Variants in PTGES3 observed in about 807,000 individuals in gnomAD.
PTGES3 encodes the protein Hsp90 co-chaperone.
In PTGES3, 5 loss-of-function variants were observed where a neutral mutation model predicts 29.9. That is an observed-to-expected ratio of 0.17 (90% CI 0.09 to 0.35). The LOEUF (loss-of-function observed/expected upper bound fraction) is 0.35, where lower values mean the gene tolerates loss of function less well. Among genes scored for constraint, PTGES3 ranks in the 10% least tolerant of loss-of-function variants. PTGES3 has a pLI of 1.00. For synonymous variants in PTGES3, 49 were observed against 57.8 expected (o/e 0.85, Z 0.69); for missense variants, 128 against 190.0 (o/e 0.67, Z 1.92).
chr12:56,685,649 C>A (rs1023913899), intron 1 of PTGES3, among the ~76,000 whole-genome samples: 2 of 152,004 alleles, frequency 1.3e-5, no homozygotes, highest in East Asian at 1.9e-4. Flanking sequence ...ATCCACCCGC[C>A]TCGGCCTCCC....
At chr12:56,670,146 C>T (rs1951947876) in intron 5 of PTGES3, 129 bp downstream of exon 5, 1 of 622,916 alleles carries the variant, frequency 1.6e-6, no homozygotes, top group Non-Finnish European at 2.9e-6. Context: ...ACTATGACTG[C>T]AAAATGGTCT....
intron 1 of PTGES3, among the ~76,000 whole-genome samples, chr12:56,680,076 T>G (rs1230733387): frequency 1.4e-5 from 2 of 145,200 alleles, no homozygotes; most frequent in Non-Finnish European, 3.0e-5. Context: ...TTATTGGTTT[T>G]GGTTTTTTTT....
intron 1 of PTGES3, among the ~76,000 whole-genome samples, chr12:56,683,198 A>T (rs1952634643): frequency 6.6e-6 from 1 of 151,158 alleles, no homozygotes; most frequent in South Asian, 2.1e-4. Context: ...AAATATATAA[A>T]ATTAGGCCAG....
At chr12:56,679,183 G>T (rs527593617) in intron 1 of PTGES3, among the ~76,000 whole-genome samples, 1 of 152,230 alleles carries the variant, frequency 6.6e-6, no homozygotes, top group Admixed American at 6.5e-5. Context: ...CCCAAGGCTG[G>T]CAGATTACTG....
intron 1 of PTGES3, among the ~76,000 whole-genome samples, chr12:56,683,108 A>G (rs1952630146): frequency 6.6e-6 from 1 of 151,650 alleles, no homozygotes; most frequent in African/African-American, 2.4e-5. Context: ...CCAGCACTCT[A>G]GGAGTCTGAG....
intron 1 of PTGES3, among the ~76,000 whole-genome samples, chr12:56,676,615 T>C (rs1245648726): frequency 6.6e-6 from 1 of 152,030 alleles, no homozygotes; most frequent in Non-Finnish European, 1.5e-5. Context: ...AGACGGAATG[T>C]GGAAAGCCAC....
chr12:56,687,789 G>C, intron 1 of PTGES3: 8 of 1,386,090 alleles, frequency 5.8e-6, no homozygotes, highest in Non-Finnish European at 6.5e-6. Flanking sequence ...GCCAAGGAAC[G>C]GTTCAGGGGT....
intron 1 of PTGES3, among the ~76,000 whole-genome samples, chr12:56,678,218 C>T (rs1227504470): frequency 6.6e-6 from 1 of 152,114 alleles, no homozygotes; most frequent in East Asian, 1.9e-4. Context: ...GGCTCTGTCG[C>T]CCAGGTTGGA....
chr12:56,677,759 T>C (rs946842361), intron 1 of PTGES3, among the ~76,000 whole-genome samples: 1 of 152,128 alleles, frequency 6.6e-6, no homozygotes, highest in African/African-American at 2.4e-5. Context: ...ATGGAGGGGT[T>C]TGCAGTACAA....
chr12:56,673,069 C>T lies in PTGES3; in HGVS notation c.3-4G>A. The T allele has an allele frequency of 1.3e-6, 2 of 1,587,094 alleles. No individual in the cohort carries two copies. The highest frequency in any genetic ancestry group is 1.2e-5 in the South Asian group (1 of 85,834). ...CCACTTTGCAGAAGCAGGCTGCCTA[C>T]AAAAGGATAAAGTAGGGAAAGTCAA... On this transcript the variant is annotated splice_polypyrimidine_tract_variant and splice_region_variant and intron_variant, in intron 1 of 7. Transcript: ENST00000262033.
In PTGES3 at chr12:56,688,160, C is replaced by T; in HGVS notation, c.-161G>A. 3 of 1,318,424 alleles carry T rather than the reference C, an allele frequency of 2.3e-6. No homozygotes were observed. The allele number at this position is 1,318,424 out of a possible 1,614,324, so 81.7% of individuals were successfully genotyped here. On this transcript the variant is annotated 5_prime_UTR_variant, in exon 1 of 8. Coordinates refer to ENST00000262033, the MANE Select transcript of PTGES3 (RefSeq NM_006601.7). The stretch of plus-strand genomic sequence containing the variant: ...CGACGGCGGCAGCGGCGGGCTCGAC[C>T]TCGGGCCCCAGAATGCACCGCGCGG...
intron 1 of PTGES3, among the ~76,000 whole-genome samples, chr12:56,674,233 G>T (rs766622808): frequency 2.0e-5 from 3 of 152,128 alleles, no homozygotes; most frequent in Non-Finnish European, 2.9e-5. Context: ...TATATAAAGA[G>T]ATTAGCACAG....
chr12:56,669,009 T>TTTTC (rs1951892070), intron 5 of PTGES3, among the ~76,000 whole-genome samples: 1 of 135,596 alleles, frequency 7.4e-6, no homozygotes, highest in Non-Finnish European at 1.6e-5. Context: ...CACCATGAAT[T>TTTTC]TTTTTTTTTT....
chr12:56,664,950 G>C, intron 6 of PTGES3, 150 bp from the exon 7 acceptor site: 1 of 1,407,594 alleles, frequency 7.1e-7, no homozygotes, highest in Non-Finnish European at 9.3e-7. Flanking sequence ...CATTGGACTT[G>C]ACTAGGTTTA....
At chr12:56,681,603 C>T (rs544077096) in intron 1 of PTGES3, among the ~76,000 whole-genome samples, 4 of 146,384 alleles carry the variant, frequency 2.7e-5, no homozygotes, top group African/African-American at 5.0e-5. Context: ...AATCCCAGCA[C>T]TTTGGGAGGC....
chr12:56,682,908 C>G (rs1255486222), intron 1 of PTGES3, among the ~76,000 whole-genome samples: 7 of 151,658 alleles, frequency 4.6e-5, no homozygotes, highest in Admixed American at 1.3e-4. Context: ...AGAGGAGAAT[C>G]GCTTGAACCT....
intron 1 of PTGES3, among the ~76,000 whole-genome samples, chr12:56,673,859 G>A (rs1952109384): frequency 6.6e-6 from 1 of 151,550 alleles, no homozygotes; most frequent in Non-Finnish European, 1.5e-5. Flanking sequence ...GATACTTGAG[G>A]GATGGGACTG....
At chr12:56,678,215 T>C (rs1303663975) in intron 1 of PTGES3, among the ~76,000 whole-genome samples, 1 of 152,300 alleles carries the variant, frequency 6.6e-6, no homozygotes, top group Non-Finnish European at 1.5e-5. Context: ...TCTGGCTCTG[T>C]CGCCCAGGTT....
intron 1 of PTGES3, chr12:56,687,264 G>A: frequency 5.0e-6 from 5 of 1,002,938 alleles, no homozygotes; most frequent in Non-Finnish European, 5.9e-6. Flanking sequence ...AGTAGAACAT[G>A]AAACACAGAA....
Sources: gnomAD v4.1 joint callset for allele counts (sites outside exome capture counted in the v4.1 genomes callset) on GRCh38, gnomAD v4.1.1 for gene constraint, MANE v1.5 for transcripts, NCBI Gene and HGNC (gene_info 2026-07-23, HGNC 2026-07-21) for gene names.